Variants in SYNE1 observed in about 807,000 individuals in gnomAD.
SYNE1 encodes nesprin-1.
Under a neutral mutation model 1,111.0 loss-of-function variants are expected in SYNE1, and 616 were observed. The observed-to-expected ratio is 0.55, with a 90% CI of 0.52 to 0.59. The LOEUF (loss-of-function observed/expected upper bound fraction) is 0.59, where lower values mean the gene tolerates loss of function less well. Among genes scored for constraint, SYNE1 ranks in the 20% least tolerant of loss-of-function variants. The pLI is 0.00. For synonymous variants in SYNE1, 3,855 were observed against 3,825.8 expected (o/e 1.01, Z -0.28); for missense variants, 10,006 against 10,417.0 (o/e 0.96, Z 1.72).
At chr6:152,223,250 C>T (rs184181932) in intron 117 of SYNE1, among the ~76,000 whole-genome samples, 41 of 152,234 alleles carry the variant, frequency 2.7e-4, no homozygotes, top group East Asian at 9.7e-4. Flanking sequence ...TCCTTAGTAA[C>T]GACAATTTAA....
intron 59 of SYNE1, among the ~76,000 whole-genome samples, chr6:152,370,561 G>A (rs1348762390): frequency 6.6e-6 from 1 of 152,212 alleles, no homozygotes; most frequent in African/African-American, 2.4e-5. Flanking sequence ...TACCCTAGGT[G>A]TAAAATGTGT....
At chr6:152,344,611 A>T (rs1225926142) in intron 73 of SYNE1, among the ~76,000 whole-genome samples, 1 of 152,238 alleles carries the variant, frequency 6.6e-6, no homozygotes, top group Non-Finnish European at 1.5e-5. Context: ...TTAAGCTAGC[A>T]ACTAAAAGTA....
Position 152,463,533 on chromosome 6 carries a change from T to A in SYNE1, c.1933-16A>T, listed in dbSNP as rs1269385518. On this transcript the variant is annotated splice_polypyrimidine_tract_variant and intron_variant, in intron 18 of 145. Coordinates refer to ENST00000367255, the MANE Select transcript of SYNE1 (RefSeq NM_182961.4). ...GAAAAAAATCCTAAACAATAAATAA[T>A]GCACAATATCATAAACCATAAACCA... 6.3e-7 allele frequency: 1 copy of A among 1,598,732 alleles called. No homozygotes were observed. Among genetic ancestry groups the A allele is most frequent in the Admixed American group, 1.7e-5 (1 of 59,616 alleles).
At chr6:152,607,585 T>G (rs1051075999) in intron 3 of SYNE1, among the ~76,000 whole-genome samples, 2 of 152,314 alleles carry the variant, frequency 1.3e-5, no homozygotes, top group African/African-American at 4.8e-5. Flanking sequence ...GCTTTTACAC[T>G]GTTGGTGGGA....
intron 42 of SYNE1, among the ~76,000 whole-genome samples, chr6:152,412,299 C>T (rs1290434594): frequency 6.6e-6 from 1 of 151,982 alleles, no homozygotes; most frequent in Non-Finnish European, 1.5e-5. Context: ...TGGCGGGCAC[C>T]TGCTATCCCA....
intron 42 of SYNE1, among the ~76,000 whole-genome samples, chr6:152,410,879 T>A (rs1284109770): frequency 6.6e-6 from 1 of 152,206 alleles, no homozygotes; most frequent in Non-Finnish European, 1.5e-5. Context: ...AATATAGAAA[T>A]AACCAAAATG....
intron 141 of SYNE1, among the ~76,000 whole-genome samples, chr6:152,135,876 C>T (rs1365322352): frequency 6.6e-6 from 1 of 152,152 alleles, no homozygotes; most frequent in African/African-American, 2.4e-5. Context: ...TTCCTGACCA[C>T]CTCCTCAGTC....
At chr6:152,337,547 C>T (rs943068564) in intron 75 of SYNE1, among the ~76,000 whole-genome samples, 9 of 152,174 alleles carry the variant, frequency 5.9e-5, no homozygotes, top group Non-Finnish European at 1.2e-4. Context: ...CCTTGGCCTC[C>T]CAAAGTGCTG....
At chr6:152,169,798 CAA>C (rs199833439) in intron 130 of SYNE1, among the ~76,000 whole-genome samples, 1 of 133,868 alleles carries the variant, frequency 7.5e-6, no homozygotes. Flanking sequence ...AACCCAATCT[CAA>C]AAAAAAAAAT....
intron 3 of SYNE1, among the ~76,000 whole-genome samples, chr6:152,619,276 G>A (rs1231110320): frequency 1.3e-5 from 2 of 152,080 alleles, no homozygotes; most frequent in Non-Finnish European, 2.9e-5. Context: ...GCTCTGGCGT[G>A]GTCTTCACTC....
chr6:152,331,722 T>G lies in SYNE1; in HGVS notation c.12963A>C (p.Leu4321Phe). The G allele has an allele frequency of 6.2e-7, 1 of 1,614,240 alleles. No homozygotes were observed. Among genetic ancestry groups the G allele is most frequent in the Non-Finnish European group, 8.5e-7 (1 of 1,180,038 alleles). ...CCTCAAGCTGAAACCAACGTTGCTC[T>G]AAATGACTCGTCTGTTCTTTGACTA... ...KELVKEQTSH[L>F]EQRWFQLEDL... Residue 4321 changes from leucine to phenylalanine, a missense_variant, in exon 78 of 146, where the codon TTA becomes TTC. Physicochemically the swap from Leu to Phe is conservative, Grantham distance 22 (BLOSUM62 0). Coordinates refer to ENST00000367255, the MANE Select transcript of SYNE1 (RefSeq NM_182961.4).
In SYNE1 at chr6:152,358,532, G is replaced by C; in HGVS notation, c.10449C>G (p.Ala3483=). ...YRAIQERAKE[A]VTKSEKLVRL... is the part of the protein sequence containing the mutation. Reference sequence around the variant, plus strand: ...GGACAAGTTTTTCAGACTTGGTTACGGCTTCCTATAATTAGCATTTAAAAT... The same window carrying C: ...GGACAAGTTTTTCAGACTTGGTTACCGCTTCCTATAATTAGCATTTAAAAT... The change falls in exon 66 of 146, where the codon GCC becomes GCG. Residue 3483 remains alanine (A), a synonymous_variant. Coordinates refer to ENST00000367255, the MANE Select transcript of SYNE1 (RefSeq NM_182961.4). 1 of 1,613,966 alleles carries C rather than the reference G, an allele frequency of 6.2e-7. No individual in the cohort carries two copies. The highest frequency in any genetic ancestry group is 2.2e-5 in the East Asian group (1 of 44,868).
intron 61 of SYNE1, 51 bp from the exon 62 acceptor site, chr6:152,367,433 T>C (rs1192122779): frequency 6.2e-7 from 1 of 1,604,196 alleles, no homozygotes; most frequent in Admixed American, 1.7e-5. Context: ...AGAGACAAAC[T>C]GCAAAGCTAA....
Position 152,330,303 on chromosome 6 carries a change from C to T in SYNE1, c.14382G>A (p.Leu4794=). 1 of 1,614,186 alleles carries T rather than the reference C, an allele frequency of 6.2e-7. No homozygotes were observed. The highest frequency in any genetic ancestry group is 8.5e-7 in the Non-Finnish European group (1 of 1,180,026). ...TGGACTGCTCCTCTTTTACAGACTT[C>T]AGTTGTCTCTCCAGCTGTTGGCACA... ...EKMCQQLERQ[L]KSVKEEQSKV... Residue 4794 remains leucine (L), a synonymous_variant, in exon 78 of 146, where the codon CTG becomes CTA. Transcript: ENST00000367255.
At chr6:152,630,367 C>T (rs2099695976) in intron 2 of SYNE1, among the ~76,000 whole-genome samples, 1 of 152,138 alleles carries the variant, frequency 6.6e-6, no homozygotes, top group Non-Finnish European at 1.5e-5. Flanking sequence ...AGGTACTTCT[C>T]AGTGGGTGAC....
chr6:152,595,944 T>C (rs1039969978), intron 3 of SYNE1, among the ~76,000 whole-genome samples: 20 of 151,740 alleles, frequency 1.3e-4, no homozygotes, highest in Non-Finnish European at 2.8e-4. Flanking sequence ...CATCTGCTTG[T>C]ACATAGAATG....
intron 62 of SYNE1, among the ~76,000 whole-genome samples, chr6:152,366,371 T>G (rs776565003): frequency 2.0e-5 from 3 of 150,538 alleles, no homozygotes; most frequent in Non-Finnish European, 4.4e-5. Flanking sequence ...GAACAAAAAC[T>G]TGGTTTATAG....
intron 3 of SYNE1, among the ~76,000 whole-genome samples, chr6:152,560,681 C>G (rs2099392402): frequency 6.6e-6 from 1 of 152,112 alleles, no homozygotes; most frequent in African/African-American, 2.4e-5. Flanking sequence ...CATGAAAATT[C>G]TCAATGAAAC....
intron 3 of SYNE1, among the ~76,000 whole-genome samples, chr6:152,560,404 T>G (rs1595387769): frequency 1.3e-5 from 2 of 151,796 alleles, no homozygotes; most frequent in African/African-American, 4.8e-5. Flanking sequence ...ATAGAAAATC[T>G]GAGCAGGCCA....
Sources: gnomAD v4.1 joint callset for allele counts (sites outside exome capture counted in the v4.1 genomes callset) on GRCh38, gnomAD v4.1.1 for gene constraint, MANE v1.5 for transcripts, NCBI Gene and HGNC (gene_info 2026-07-23, HGNC 2026-07-21) for gene names.